Variants in OGFRL1 observed in about 807,000 individuals in gnomAD.
OGFRL1 encodes the protein opioid growth factor receptor like 1, also known as opioid growth factor receptor-like protein 1.
OGFRL1 carries 26 observed loss-of-function variants against 32.4 expected under a neutral mutation model. That is an observed-to-expected ratio of 0.80 (90% confidence interval 0.59 to 1.11). The LOEUF (loss-of-function observed/expected upper bound fraction) is 1.11. OGFRL1 is among the 50% of genes most tolerant of loss of function. The probability of loss-of-function intolerance (pLI) is 0.00; values close to 1 mark genes in which losing one functional copy is unlikely to be tolerated. For synonymous variants in OGFRL1, 211 were observed against 201.2 expected (o/e 1.05, Z -0.41); for missense variants, 521 against 546.4 (o/e 0.95, Z 0.46).
At chr6:71,299,486 T>C (rs765627495) in intron 6 of OGFRL1, among the ~76,000 whole-genome samples, 9 of 152,192 alleles carry the variant, frequency 5.9e-5, no homozygotes, top group Non-Finnish European at 1.0e-4. Context: ...TATATAGATA[T>C]AGTAAATGTG....
Position 71,289,005 on chromosome 6 carries a change from G to A in OGFRL1, c.69G>A (p.Trp23Ter). ...CCGTGGAGGACTGCGACTCCACCTG[G>A]CAGACCGACTCGGAGCCCGAGCCCG... ...PTTVEDCDSTWQTDSEPEPEE... is the reference protein window; with the variant it reads ...PTTVEDCDST The change falls in exon 1 of 7, where the codon TGG (tryptophan) becomes TGA (stop). Residue 23 changes from tryptophan to a stop codon, truncating the protein, a stop_gained. Coordinates refer to ENST00000370435, the MANE Select transcript of OGFRL1 (RefSeq NM_024576.5). LOFTEE classifies it high-confidence loss of function. The A allele has an allele frequency of 7.2e-7, 1 of 1,384,284 alleles. No individual in the cohort carries two copies. The highest frequency in any genetic ancestry group is 1.3e-5 in the South Asian group (1 of 75,984). The allele number at this position is 1,384,284 out of a possible 1,614,324, so 85.8% of individuals were successfully genotyped here.
At chr6:71,296,904 C>A in intron 6 of OGFRL1, 87 bp downstream of exon 6, 2 of 1,428,666 alleles carry the variant, frequency 1.4e-6, no homozygotes, top group Non-Finnish European at 1.9e-6. Flanking sequence ...GAACAACTAG[C>A]AGATGAGATG....
At position 71,288,997 on chromosome 6, in the gene OGFRL1, T is replaced by C; in HGVS notation, c.61T>C (p.Ser21Pro). 7.2e-7 allele frequency: 1 copy of C among 1,388,096 alleles called. No individual in the cohort carries two copies. The highest frequency in any genetic ancestry group is 1.3e-5 in the South Asian group (1 of 77,346). 86.0% of individuals were successfully genotyped at this position (1,388,096 alleles called of 1,614,324 possible). The part of the protein sequence containing the change: ...REPTTVEDCD[S>P]TWQTDSEPEP... ...GCCCACCACCGTGGAGGACTGCGAC[T>C]CCACCTGGCAGACCGACTCGGAGCC... is the stretch of plus-strand genomic sequence containing the variant. The change falls in exon 1 of 7, where the codon TCC becomes CCC. Residue 21 changes from serine to proline, a missense_variant. Ser to Pro is a moderately conservative substitution (Grantham distance 74). Coordinates refer to ENST00000370435, the MANE Select transcript of OGFRL1 (RefSeq NM_024576.5).
chr6:71,305,350 TAGAG>T lies in OGFRL1; in HGVS notation c.*3303_*3306del, dbSNP rs1017689696. The T allele has an allele frequency of 1.3e-5, 2 of 152,076 alleles. No homozygotes were observed. Among genetic ancestry groups the T allele is most frequent in the African/African-American group, 4.8e-5 (2 of 41,456 alleles). 9.4% of individuals were successfully genotyped at this position (152,076 alleles called of 1,614,324 possible). ...AGTTATAAGATATATTTCTGTACAGTAGAGAAAGAGTTTATAACATGAAGAATAT... is the reference window on the plus strand; with the variant it reads ...AGTTATAAGATATATTTCTGTACAGTAAAGAGTTTATAACATGAAGAATAT... On this transcript the variant is annotated 3_prime_UTR_variant, in exon 7 of 7. Transcript: ENST00000370435.
Position 71,302,167 on chromosome 6 carries a change from G to A in OGFRL1, c.*118G>A. On this transcript the variant is annotated 3_prime_UTR_variant, in exon 7 of 7. Transcript: ENST00000370435. ...TTTTAGCCATCTGTTTGTGATTTCT[G>A]TCATAAGCATTTTGTTGTTTGTTTT... 2 of 837,190 alleles carry A rather than the reference G, an allele frequency of 2.4e-6. No individual in the cohort carries two copies. The highest frequency in any genetic ancestry group is 3.4e-6 in the Non-Finnish European group (2 of 580,274). 51.9% of individuals were successfully genotyped at this position (837,190 alleles called of 1,614,324 possible). A position where few individuals can be genotyped will look rare whatever the true frequency, so the allele number is the denominator to read the frequency against.
intron 6 of OGFRL1, among the ~76,000 whole-genome samples, chr6:71,299,743 A>G (rs1766326028): frequency 6.6e-6 from 1 of 152,202 alleles, no homozygotes; most frequent in South Asian, 2.1e-4. Flanking sequence ...TGTTAGTGAC[A>G]CATTGTCTTA....
chr6:71,301,120 T>C (rs553130112), intron 6 of OGFRL1, among the ~76,000 whole-genome samples: 2 of 152,366 alleles, frequency 1.3e-5, no homozygotes, highest in East Asian at 3.9e-4. Context: ...TAAACCTAAA[T>C]ATTTTTCTAA....
In OGFRL1 at chr6:71,288,875, G is replaced by C. The variant is rs1212651934; in HGVS notation, c.-62G>C. The C allele has an allele frequency of 1.1e-5, 13 of 1,170,790 alleles. No individual in the cohort carries two copies. The highest frequency in any genetic ancestry group is 1.4e-5 in the Non-Finnish European group (13 of 936,874). 72.5% of individuals were successfully genotyped at this position (1,170,790 alleles called of 1,614,324 possible). On this transcript the variant is annotated 5_prime_UTR_variant, in exon 1 of 7. It removes the in-frame stop codon of an upstream open reading frame in the 5' UTR. Transcript: ENST00000370435. Reference sequence around the variant, plus strand: ...TCGCCGCGGCCATGCCCGGGCCCTAGAGCGCCTGCCGCAGCTTGCGCCCCG... The same window carrying C: ...TCGCCGCGGCCATGCCCGGGCCCTACAGCGCCTGCCGCAGCTTGCGCCCCG...
In OGFRL1 at chr6:71,308,820, G is replaced by T. The variant is rs1766632590; in HGVS notation, c.*6771G>T. The T allele has an allele frequency of 6.6e-6, 1 of 151,898 alleles. No individual in the cohort carries two copies. Among genetic ancestry groups the T allele is most frequent in the Non-Finnish European group, 1.5e-5 (1 of 67,976 alleles). The allele number at this position is 151,898 out of a possible 1,614,324, so 9.4% of individuals were successfully genotyped here. A position where few individuals can be genotyped will look rare whatever the true frequency, so the allele number is the denominator to read the frequency against. On this transcript the variant is annotated 3_prime_UTR_variant, in exon 7 of 7. Coordinates refer to ENST00000370435, the MANE Select transcript of OGFRL1 (RefSeq NM_024576.5). ...GTTCCTTTTGAGTAATTATTTTTAA[G>T]AACTATTGCCAAATATACATCCTGT...
At chr6:71,291,447 G>A (rs887649289) in intron 1 of OGFRL1, 4 of 152,186 alleles carry the variant, frequency 2.6e-5, no homozygotes, top group African/African-American at 9.7e-5. Context: ...GTAATTGATG[G>A]TAGGCCTGGG....
rs1766600559 is a variant in OGFRL1 at position 71,307,833 on chromosome 6, C to T, written c.*5784C>T. The T allele has an allele frequency of 6.6e-6, 1 of 152,052 alleles. No homozygotes were observed. The highest frequency in any genetic ancestry group is 2.4e-5 in the African/African-American group (1 of 41,406). The allele number at this position is 152,052 out of a possible 1,614,324, so 9.4% of individuals were successfully genotyped here. A position where few individuals can be genotyped will look rare whatever the true frequency, so the allele number is the denominator to read the frequency against. On this transcript the variant is annotated 3_prime_UTR_variant, in exon 7 of 7. Transcript: ENST00000370435. ...GTTTCATGTGAAGAAAAATAAAATA[C>T]AAATGAAATAAAAGTCTAGAAACAG...
At chr6:71,299,409 C>T (rs941736711) in intron 6 of OGFRL1, among the ~76,000 whole-genome samples, 1 of 152,058 alleles carries the variant, frequency 6.6e-6, no homozygotes, top group Non-Finnish European at 1.5e-5. Context: ...CTGGGATACT[C>T]ATCATCATTT....
intron 6 of OGFRL1, among the ~76,000 whole-genome samples, chr6:71,298,199 T>G (rs1185643132): frequency 6.6e-6 from 1 of 152,040 alleles, no homozygotes; most frequent in African/African-American, 2.4e-5. Context: ...ATTTGACTTA[T>G]GTAGGGCACT....
chr6:71,288,978 C>A lies in OGFRL1; in HGVS notation c.42C>A (p.Thr14=), dbSNP rs759119750. ...LLGGVSFREP[T]TVEDCDSTWQ... The stretch of plus-strand genomic sequence containing the variant: ...GCGGGGTCAGCTTCCGCGAGCCCAC[C>A]ACCGTGGAGGACTGCGACTCCACCT... The change falls in exon 1 of 7, where the codon ACC becomes ACA. Residue 14 remains threonine, a synonymous_variant. Transcript: ENST00000370435. 1 of 1,394,960 alleles carries A rather than the reference C, an allele frequency of 7.2e-7. No homozygotes were observed. 86.4% of individuals were successfully genotyped at this position (1,394,960 alleles called of 1,614,324 possible).
Position 71,302,085 on chromosome 6 carries a change from G to A in OGFRL1, c.*36G>A, listed in dbSNP as rs1582562243. The A allele has an allele frequency of 1.4e-6, 2 of 1,467,404 alleles. No individual in the cohort carries two copies. Among genetic ancestry groups the A allele is most frequent in the African/African-American group, 1.4e-5 (1 of 70,482 alleles). The allele number at this position is 1,467,404 out of a possible 1,614,324, so 90.9% of individuals were successfully genotyped here. On this transcript the variant is annotated 3_prime_UTR_variant, in exon 7 of 7. Coordinates refer to ENST00000370435, the MANE Select transcript of OGFRL1 (RefSeq NM_024576.5). Reference sequence around the variant, plus strand: ...AACCCAGAAGCCAGTTTAGGCTAGAGAGGAAAAAACTACTGTATCATTTAT... The same window carrying A: ...AACCCAGAAGCCAGTTTAGGCTAGAAAGGAAAAAACTACTGTATCATTTAT...
intron 1 of OGFRL1, among the ~76,000 whole-genome samples, chr6:71,290,450 T>A (rs537788491): frequency 6.6e-6 from 1 of 152,300 alleles, no homozygotes; most frequent in South Asian, 2.1e-4. Context: ...CTACAGAAAT[T>A]TGGAATATCA....
At position 71,307,528 on chromosome 6, in the gene OGFRL1, G is replaced by A. The variant is rs2149359891; in HGVS notation, c.*5479G>A. The A allele has an allele frequency of 6.6e-6, 1 of 151,956 alleles. No individual in the cohort carries two copies. Among genetic ancestry groups the A allele is most frequent in the South Asian group, 2.1e-4 (1 of 4,802 alleles). 9.4% of individuals were successfully genotyped at this position (151,956 alleles called of 1,614,324 possible). On this transcript the variant is annotated 3_prime_UTR_variant, in exon 7 of 7. Coordinates refer to ENST00000370435, the MANE Select transcript of OGFRL1 (RefSeq NM_024576.5). ...CCTATTTATTTAATTAAAAAATTAGGGAAGTTGTTCATTCACAGCTGTATA... is the reference window on the plus strand; with the variant it reads ...CCTATTTATTTAATTAAAAAATTAGAGAAGTTGTTCATTCACAGCTGTATA...
In OGFRL1 at chr6:71,289,127, G is replaced by A; in HGVS notation, c.191G>A (p.Ser64Asn). 9.0e-7 allele frequency: 1 copy of A among 1,108,144 alleles called. No homozygotes were observed. 68.6% of individuals were successfully genotyped at this position (1,108,144 alleles called of 1,614,324 possible). A position where few individuals can be genotyped will look rare whatever the true frequency, so the allele number is the denominator to read the frequency against. ...CAAGCCGGCGGGCGGCCCGGCGCCA[G>A]CCCCGCGCCGGACGAGGACGCCGAG... ...PEQAGGRPGA[S>N]PAPDEDAEAA... Residue 64 changes from serine to asparagine, a missense_variant, in exon 1 of 7, where the codon AGC becomes AAC. By Grantham distance (46) the Ser-to-Asn change is conservative (BLOSUM62 1). Transcript: ENST00000370435.
chr6:71,293,299 G>A lies in OGFRL1; in HGVS notation c.241G>A (p.Asp81Asn), dbSNP rs1381263868. 1 of 1,613,440 alleles carries A rather than the reference G, an allele frequency of 6.2e-7. No homozygotes were observed. Reference sequence around the variant, plus strand: ...GTTTCACCTTTTATTTCAGGGTGGTGATTCCACTGAAGCAACTGCCAAACC... The same window carrying A: ...GTTTCACCTTTTATTTCAGGGTGGTAATTCCACTGAAGCAACTGCCAAACC... Reference protein sequence around the residue: ...AEAAGAEQGGDSTEATAKPKR... With the variant: ...AEAAGAEQGGNSTEATAKPKR... The change falls in exon 2 of 7, where the codon GAT (aspartate) becomes AAT (asparagine). Residue 81 changes from aspartate (D) to asparagine (N), a missense_variant. Asp to Asn is a conservative substitution (Grantham distance 23). Transcript: ENST00000370435.
Sources: allele counts gnomAD v4.1 joint callset (sites outside exome capture counted in the v4.1 genomes callset), GRCh38; gene constraint gnomAD v4.1.1; transcripts MANE v1.5; gene names NCBI Gene and HGNC (gene_info 2026-07-23, HGNC 2026-07-21).